REV3L: variants seen among roughly 807,000 people sequenced by gnomAD.
REV3L encodes the protein DNA polymerase zeta catalytic subunit.
In REV3L, 69 loss-of-function variants were observed where a neutral mutation model predicts 299.4. The observed-to-expected ratio is 0.23, with a 90% CI of 0.19 to 0.28. The LOEUF is 0.28. Among genes scored for constraint, REV3L ranks in the 10% least tolerant of loss-of-function variants. The pLI is 1.00. For synonymous variants in REV3L, 1,238 were observed against 1,271.4 expected (o/e 0.97, Z 0.56); for missense variants, 3,128 against 3,693.8 (o/e 0.85, Z 3.97).
At position 111,338,995 on chromosome 6, in the gene REV3L, A is replaced by G. The variant is rs145483174; in HGVS notation, c.7539-3385T>C. On this transcript the variant is annotated intron_variant, in intron 21 of 31. Coordinates refer to ENST00000368802, the MANE Select transcript of REV3L (RefSeq NM_001372078.1). ...CCCTAGGCAAATCATTTAACTCTCT[A>G]GTTTTCAGTTTCTGTATGTGTGAAA... Among the ~76,000 whole-genome samples, 8 of 152,144 alleles carry G rather than the reference A, an allele frequency of 5.3e-5. No homozygotes were observed. The East Asian group carries it at 1.4e-3, about 26-fold the overall frequency.
At chr6:111,423,722 G>A (rs1313659335) in intron 1 of REV3L, among the ~76,000 whole-genome samples, 2 of 152,200 alleles carry the variant, frequency 1.3e-5, no homozygotes, top group Non-Finnish European at 2.9e-5. Context: ...CGAGATGTCA[G>A]TAGAGGTGGA....
At chr6:111,468,105 C>G (rs1791726985) in intron 1 of REV3L, among the ~76,000 whole-genome samples, 2 of 152,094 alleles carry the variant, frequency 1.3e-5, no homozygotes, top group Admixed American at 1.3e-4. Flanking sequence ...AAAACCAAAC[C>G]TAGAAGAGGA....
chr6:111,388,152 A>T (rs571148107), intron 7 of REV3L, 67 bp from the exon 8 acceptor site: 9 of 1,087,916 alleles, frequency 8.3e-6, no homozygotes, highest in Non-Finnish European at 1.2e-5. Context: ...CCCTTCTCCT[A>T]AAGTAGCTTT....
intron 4 of REV3L, among the ~76,000 whole-genome samples, chr6:111,399,795 G>A (rs1782902546): frequency 6.6e-6 from 1 of 152,064 alleles, no homozygotes; most frequent in African/African-American, 2.4e-5. Flanking sequence ...CTCATCACTT[G>A]GTTAAGGTAC....
chr6:111,358,662 T>C (rs1257274751), intron 17 of REV3L, among the ~76,000 whole-genome samples, 160 bp downstream of exon 17: 1 of 152,092 alleles, frequency 6.6e-6, no homozygotes, highest in Non-Finnish European at 1.5e-5. Context: ...GAATAATAAA[T>C]CTAGGACAAA....
chr6:111,454,732 T>C lies in REV3L; in HGVS notation c.139+28018A>G, dbSNP rs144566781. Among the ~76,000 whole-genome samples, 36 of 152,330 alleles carry C rather than the reference T, an allele frequency of 2.4e-4. No individual in the cohort carries two copies. In the East Asian group the frequency reaches 6.6e-3, roughly 28 times the overall value. On this transcript the variant is annotated intron_variant, in intron 1 of 31. Coordinates refer to ENST00000368802, the MANE Select transcript of REV3L (RefSeq NM_001372078.1). ...CCCAGGCTGGAGTGCAACGGCACGA[T>C]CTCGGCTCACCACAACCTCCATCTC...
intron 1 of REV3L, among the ~76,000 whole-genome samples, chr6:111,453,884 GC>G (rs1183035630): frequency 1.3e-5 from 2 of 152,146 alleles, no homozygotes; most frequent in African/African-American, 4.8e-5. Flanking sequence ...TACCTGGGAG[GC>G]TGAGGCAAAA....
intron 1 of REV3L, among the ~76,000 whole-genome samples, chr6:111,463,909 T>A (rs1263985321): frequency 6.6e-6 from 1 of 152,116 alleles, no homozygotes; most frequent in Non-Finnish European, 1.5e-5. Flanking sequence ...ATGTAATACC[T>A]CTGTTCATCT....
intron 13 of REV3L, among the ~76,000 whole-genome samples, chr6:111,371,417 G>T (rs1050368423): frequency 2.1e-4 from 32 of 151,946 alleles, no homozygotes; most frequent in African/African-American, 7.5e-4. Context: ...TTGAGATAAA[G>T]TCTCATTCTA....
Position 111,300,191 on chromosome 6 carries a change from A to G in REV3L, c.9253-35T>C, listed in dbSNP as rs953605615. 9 of 1,539,306 alleles carry G rather than the reference A, an allele frequency of 5.8e-6. No homozygotes were observed. The Admixed American group carries it at 8.7e-5, about 15-fold the overall frequency. ...TAAGAGAAATACAAAAAATAATAGG[A>G]AAGTTTTTATGCGTGTATGCAAACA... is the stretch of plus-strand genomic sequence containing the variant. On this transcript the variant is annotated intron_variant, in intron 31 of 31. Transcript: ENST00000368802.
chr6:111,372,446 C>T, intron 13 of REV3L, 150 bp downstream of exon 13: 1 of 520,214 alleles, frequency 1.9e-6, no homozygotes, highest in Non-Finnish European at 3.0e-6. Context: ...AAATACTTTC[C>T]ACAATGATAT....
rs185277963 is a variant in REV3L at position 111,376,322 on chromosome 6, T to C, written c.2033A>G (p.Tyr678Cys). 8 of 1,613,396 alleles carry C rather than the reference T, an allele frequency of 5.0e-6. No individual in the cohort carries two copies. The East Asian group carries it at 1.3e-4, about 27-fold the overall frequency. ...SVTRQVPSRK[Y>C]TNIRKIEKDS... ...CTTTTCGATTTTTCTAATGTTTGTA[T>C]ATTTTCTACTTGGTACTTGTCTTGT... is the stretch of plus-strand genomic sequence containing the variant. Residue 678 changes from tyrosine (Y) to cysteine (C), a missense_variant, in exon 13 of 32, where the codon TAT becomes TGT. Around this residue, in one of 9 missense-constraint regions of REV3L, gnomAD observed 2,409 missense variants for 2,611.8 expected, o/e 0.92. Transcript: ENST00000368802.
intron 29 of REV3L, chr6:111,310,716 A>G: frequency 5.3e-6 from 1 of 189,482 alleles, no homozygotes; most frequent in Non-Finnish European, 1.1e-5. Context: ...ATCATGAAAG[A>G]TAAGAGAAAA....
chr6:111,475,523 A>T (rs1792838794), intron 1 of REV3L, among the ~76,000 whole-genome samples: 1 of 152,186 alleles, frequency 6.6e-6, no homozygotes, highest in Non-Finnish European at 1.5e-5. Context: ...CCCGAGTTAT[A>T]CTATACATAA....
At chr6:111,397,658 G>A (rs1782661474) in intron 4 of REV3L, among the ~76,000 whole-genome samples, 1 of 152,008 alleles carries the variant, frequency 6.6e-6, no homozygotes, top group Non-Finnish European at 1.5e-5. Context: ...TATTTATTGA[G>A]ACAGTGTCTT....
intron 7 of REV3L, among the ~76,000 whole-genome samples, chr6:111,388,380 TTCCCCTC>T (rs1302634823): frequency 1.3e-5 from 2 of 152,082 alleles, no homozygotes; most frequent in African/African-American, 2.4e-5. Context: ...AGCTAAAAAT[TTCCCCTC>T]ATAAAATATA....
chr6:111,331,132 T>C (rs1171414214), intron 24 of REV3L: 1 of 485,342 alleles, frequency 2.1e-6, no homozygotes, highest in Non-Finnish European at 2.7e-6. Flanking sequence ...TGTCTCTTAT[T>C]TGTCTTTAAT....
chr6:111,440,502 C>T (rs1788134243), intron 1 of REV3L, among the ~76,000 whole-genome samples: 1 of 151,750 alleles, frequency 6.6e-6, no homozygotes, highest in African/African-American at 2.4e-5. Context: ...AATTCCTGGT[C>T]CAAAACTGCA....
At chr6:111,313,255 T>A in intron 28 of REV3L, 97 bp downstream of exon 28, 1 of 1,078,016 alleles carries the variant, frequency 9.3e-7, no homozygotes, top group Non-Finnish European at 1.3e-6. Flanking sequence ...AGGCTATAGT[T>A]CCTTCACCTA....
Sources: allele counts gnomAD v4.1 joint callset (sites outside exome capture counted in the v4.1 genomes callset), GRCh38; gene constraint gnomAD v4.1.1; regional missense constraint gnomAD v4.1.1; transcripts MANE v1.5; gene names NCBI Gene and HGNC (gene_info 2026-07-23, HGNC 2026-07-21).